UBR4: variants seen among roughly 807,000 people sequenced by gnomAD.
The protein encoded by UBR4 is E3 ubiquitin-protein ligase UBR4.
A neutral mutation model predicts 575.6 loss-of-function variants in UBR4; 124 were observed. The observed-to-expected ratio is 0.22, with a 90% CI of 0.19 to 0.25. UBR4 has a LOEUF of 0.25. Ranked by LOEUF, UBR4 falls within the 10% of genes least tolerant of loss-of-function variation. UBR4 has a pLI of 1.00. For missense variants in UBR4, 4,818 were observed against 6,478.8 expected, an observed-to-expected ratio of 0.74 and a Z score of 8.80; for synonymous variants, 2,455 against 2,473.7, an observed-to-expected ratio of 0.99 and a Z score of 0.22.
rs764251722 is a variant in UBR4, at chr1:19,170,843, C to T, written c.3562G>A (p.Glu1188Lys). The change falls in exon 26 of 106, where the codon GAG becomes AAG. Residue 1188 changes from glutamate (E) to lysine (K), a missense_variant. Glu to Lys is a moderately conservative substitution (Grantham distance 56, BLOSUM62 1). Around this residue, in one of 29 missense-constraint regions of UBR4, gnomAD observed 1,172 missense variants for 1,259.7 expected, o/e 0.93. Coordinates refer to ENST00000375254, the MANE Select transcript of UBR4 (RefSeq NM_020765.3). Reference protein sequence around the residue: ...LQNFNEEGTTEKPSKEKLQGF... With the variant: ...LQNFNEEGTTKKPSKEKLQGF... ...TGCAGTTTCTCCTTGGAAGGTTTCT[C>T]AGTTGTTCCCTCTTCATTAAAGTTT... 1.9e-6 allele frequency: 3 copies of T among 1,614,170 alleles called. No individual in the cohort carries two copies. The Admixed American group carries it at 5.0e-5, about 27-fold the overall frequency.
intron 18 of UBR4, among the ~76,000 whole-genome samples, chr1:19,178,271 G>C (rs1009725240): frequency 6.6e-5 from 10 of 152,202 alleles, no homozygotes; most frequent in Non-Finnish European, 7.3e-5. Flanking sequence ...ATACTATTCA[G>C]AGAATTTGTC....
chr1:19,105,313 G>T (rs2079065841), intron 84 of UBR4, 124 bp from the exon 85 acceptor site: 2 of 1,210,408 alleles, frequency 1.7e-6, no homozygotes, highest in Non-Finnish European at 1.1e-6. Flanking sequence ...CTTCCTAGAG[G>T]GTGGAGGAAC....
In UBR4 at chr1:19,127,410, A is replaced by G. The variant is rs1570811300; in HGVS notation, c.9228+213T>C. 2.0e-5 allele frequency among the ~76,000 whole-genome samples: 3 copies of G among 152,148 alleles called. No individual in the cohort carries two copies. In the East Asian group the frequency reaches 5.8e-4, roughly 29 times the overall value. On this transcript the variant is annotated intron_variant, in intron 63 of 105. Coordinates refer to ENST00000375254, the MANE Select transcript of UBR4 (RefSeq NM_020765.3). ...AACTTCCAAACCCTTTTACCCCTCC[A>G]TTGGAGGGATTGTTACCAAAGACCA...
chr1:19,099,679 T>C lies in UBR4; in HGVS notation c.13222-2A>G. The C allele has an allele frequency of 6.2e-7, 1 of 1,610,770 alleles. No individual in the cohort carries two copies. Among genetic ancestry groups the C allele is most frequent in the Non-Finnish European group, 8.5e-7 (1 of 1,178,752 alleles). ...AATGATTTTATTGTTCACTAGAAGC[T>C]GAACAGAAAAGCAGGTGAAGCTGTT... On this transcript the variant is annotated splice_acceptor_variant, in intron 89 of 105. Coordinates refer to ENST00000375254, the MANE Select transcript of UBR4 (RefSeq NM_020765.3). LOFTEE classifies it high-confidence loss of function.
Position 19,105,121 on chromosome 1 carries a change from A to G in UBR4, c.12572T>C (p.Ile4191Thr). 1 of 1,614,076 alleles carries G rather than the reference A, an allele frequency of 6.2e-7. No individual in the cohort carries two copies. The highest frequency in any genetic ancestry group is 8.5e-7 in the Non-Finnish European group (1 of 1,179,984). ...GTAGACTTTCCAGTGCGCAGAAGTG[A>G]TGAGCTTCTGGTAGAGAGCCAGGTA... ...AEYLALYQKL[I>T]TSAHWKVYLA... Residue 4191 changes from isoleucine to threonine, a missense_variant, in exon 85 of 106, where the codon ATC becomes ACC. Around this residue, in one of 29 missense-constraint regions of UBR4, gnomAD observed 178 missense variants for 175.5 expected, o/e 1.01. Coordinates refer to ENST00000375254, the MANE Select transcript of UBR4 (RefSeq NM_020765.3).
At chr1:19,197,349 C>A in intron 7 of UBR4, 84 bp from the exon 8 acceptor site, 2 of 1,572,258 alleles carry the variant, frequency 1.3e-6, no homozygotes, top group African/African-American at 2.7e-5. Flanking sequence ...TCAGCATGGG[C>A]CCGGCACAGT....
At chr1:19,121,165 C>G (rs555365932) in intron 68 of UBR4, 24 bp downstream of exon 68, 1 of 1,609,524 alleles carries the variant, frequency 6.2e-7, no homozygotes, top group South Asian at 1.1e-5. Flanking sequence ...ATTGTAGTCA[C>G]AATGACAAGA....
Position 19,192,204 on chromosome 1 carries a change from GT to G in UBR4, c.1377del (p.Lys459AsnfsTer16). On this transcript the variant is annotated frameshift_variant, in exon 11 of 106. Transcript: ENST00000375254. LOFTEE classifies it high-confidence loss of function. ...GACACATACCCTTTTCCAGGCCCCA[GT>G]TTAGGGGAGCCCACTCCCTCTTTAG... ...SRTKEGVGSP[K>X]LGPGKGHQGF... 1 of 1,614,080 alleles carries G rather than the reference GT, an allele frequency of 6.2e-7. No homozygotes were observed. The highest frequency in any genetic ancestry group is 8.5e-7 in the Non-Finnish European group (1 of 1,180,006).
chr1:19,116,373 A>AG (rs957055912), intron 73 of UBR4, among the ~76,000 whole-genome samples: 100 of 152,310 alleles, frequency 6.6e-4, no homozygotes, highest in African/African-American at 2.3e-3. Context: ...CCTCCTCTGG[A>AG]GGGGAATGGG....
At chr1:19,189,828 T>A (rs1449912590) in intron 11 of UBR4, among the ~76,000 whole-genome samples, 4 of 152,208 alleles carry the variant, frequency 2.6e-5, no homozygotes, top group African/African-American at 4.8e-5. Flanking sequence ...AATCACAAAC[T>A]ACCGTTTGCT....
chr1:19,166,990 T>C (rs375283740), intron 29 of UBR4, 32 bp downstream of exon 29: 5 of 1,612,358 alleles, frequency 3.1e-6, no homozygotes, highest in African/African-American at 2.7e-5. Context: ...CAGTAGGTCA[T>C]AGGAAACCTG....
chr1:19,112,844 C>T lies in UBR4; in HGVS notation c.11481G>A (p.Glu3827=). ...IIQKVFASRK[E]LLEYDLQQRE... ...TCTGCTGTAGGTCATATTCCAACAA[C>T]TCTTTGCGCGAAGCAAAGACTTTCT... The change falls in exon 78 of 106, where the codon GAG becomes GAA. Residue 3827 remains glutamate (E), a synonymous_variant. Transcript: ENST00000375254. 1.3e-6 allele frequency: 2 copies of T among 1,589,714 alleles called. No homozygotes were observed. The highest frequency in any genetic ancestry group is 1.1e-5 in the South Asian group (1 of 88,650).
At chr1:19,165,125 C>A in intron 31 of UBR4, 124 bp downstream of exon 31, 1 of 1,490,738 alleles carries the variant, frequency 6.7e-7, no homozygotes, top group South Asian at 1.2e-5. Context: ...TCCAAACTTT[C>A]TCTGAGGGAT....
chr1:19,198,443 T>G, intron 5 of UBR4, 98 bp downstream of exon 5: 3 of 1,472,766 alleles, frequency 2.0e-6, no homozygotes, highest in Non-Finnish European at 2.7e-6. Flanking sequence ...TGTATATCAT[T>G]TTATATCACA....
intron 1 of UBR4, among the ~76,000 whole-genome samples, chr1:19,209,765 G>A (rs77966010): frequency 0.011 from 1,751 of 152,312 alleles, 19 homozygotes; most frequent in Non-Finnish European, 0.015. Flanking sequence ...GACCCAAGGG[G>A]CAGCCCCGTG....
At chr1:19,144,168 T>C (rs4912050) in intron 54 of UBR4, 77 bp from the exon 55 acceptor site, 82,610 of 1,363,216 alleles carry the variant, frequency 0.061, 3,036 homozygotes, top group Admixed American at 0.13. Flanking sequence ...TTTCCTTTCT[T>C]GGTCACTCAC....
In UBR4 at chr1:19,152,332, A is replaced by G. The variant is rs1195960325; in HGVS notation, c.6977T>C (p.Met2326Thr). 2.5e-6 allele frequency: 4 copies of G among 1,613,968 alleles called. No individual in the cohort carries two copies. Among genetic ancestry groups the G allele is most frequent in the Admixed American group, 3.3e-5 (2 of 60,022 alleles). The change falls in exon 47 of 106, where the codon ATG becomes ACG. Residue 2326 changes from methionine (M) to threonine (T), a missense_variant. Coordinates refer to ENST00000375254, the MANE Select transcript of UBR4 (RefSeq NM_020765.3). The surrounding 1 kb of genome is among the most constrained non-coding windows in gnomAD (Gnocchi z 4.4). ...QIKHRLNSTGMYVANTKPGGF... is the reference protein window; with the variant it reads ...QIKHRLNSTGTYVANTKPGGF... Reference sequence around the variant, plus strand: ...TCTTACCTTGGTGTTGGCCACATACATGCCAGTGGAATTCAGCCGGTGTTT... The same window carrying G: ...TCTTACCTTGGTGTTGGCCACATACGTGCCAGTGGAATTCAGCCGGTGTTT...
intron 11 of UBR4, among the ~76,000 whole-genome samples, chr1:19,187,938 T>G (rs1220996440): frequency 6.6e-6 from 1 of 151,944 alleles, no homozygotes; most frequent in African/African-American, 2.4e-5. Flanking sequence ...CATGGTGGCA[T>G]GTACCTATGG....
chr1:19,140,643 C>G, intron 58 of UBR4, 145 bp downstream of exon 58: 1 of 799,728 alleles, frequency 1.3e-6, no homozygotes, highest in Non-Finnish European at 2.0e-6. Flanking sequence ...CTACACCCTC[C>G]ACACCCATCT....
Sources: gnomAD v4.1 joint callset for allele counts (sites outside exome capture counted in the v4.1 genomes callset) on GRCh38, gnomAD v4.1.1 for gene constraint, gnomAD v4.1.1 regional missense constraint, Gnocchi (gnomAD v3.1) non-coding constraint, MANE v1.5 for transcripts, NCBI Gene and HGNC (gene_info 2026-07-23, HGNC 2026-07-21) for gene names.